ATXN1: variants seen among roughly 807,000 people sequenced by gnomAD.
ATXN1 encodes the protein ataxin-1.
Under a neutral mutation model 56.4 loss-of-function variants are expected in ATXN1, and 8 were observed. The observed-to-expected ratio is 0.14, with a 90% CI of 0.08 to 0.26. The LOEUF (loss-of-function observed/expected upper bound fraction) is 0.26, where lower values mean the gene tolerates loss of function less well. Among genes scored for constraint, ATXN1 ranks in the 10% least tolerant of loss-of-function variants. The pLI, the probability that ATXN1 is intolerant of heterozygous loss-of-function variation, is 1.00. For synonymous variants in ATXN1, 514 were observed against 494.6 expected (o/e 1.04, Z -0.52); for missense variants, 987 against 1,106.5 (o/e 0.89, Z 1.53).
At chr6:16,418,855 C>A (rs1274540918) in intron 6 of ATXN1, among the ~76,000 whole-genome samples, 1 of 151,710 alleles carries the variant, frequency 6.6e-6, no homozygotes, top group Non-Finnish European at 1.5e-5. Context: ...ATAAATGATA[C>A]AACATATTTC....
At position 16,398,020 on chromosome 6, in the gene ATXN1, C is replaced by A. The variant is rs193175240; in HGVS notation, c.-160-69550G>T. On this transcript the variant is annotated intron_variant, in intron 6 of 7. Coordinates refer to ENST00000436367, the MANE Select transcript of ATXN1 (RefSeq NM_001128164.2). Reference sequence around the variant, plus strand: ...ATAGACAGGACTCAAATCCAGAAATCCAAATCTTGTATTCTTTAGACTTTA... The same window carrying A: ...ATAGACAGGACTCAAATCCAGAAATACAAATCTTGTATTCTTTAGACTTTA... 9.6e-3 allele frequency among the ~76,000 whole-genome samples: 1,466 copies of A among 152,276 alleles called. 13 individuals carry two copies. The highest frequency in any genetic ancestry group is 0.014 in the Non-Finnish European group (931 of 68,012).
chr6:16,412,419 C>A lies in ATXN1; in HGVS notation c.-161+73553G>T, dbSNP rs140009890. Among the ~76,000 whole-genome samples the A allele has an allele frequency of 9.3e-4, 142 of 152,220 alleles. 1 individual carries two copies. Among genetic ancestry groups the A allele is most frequent in the Middle Eastern group, 3.4e-3 (1 of 294 alleles). On this transcript the variant is annotated intron_variant, in intron 6 of 7. Transcript: ENST00000436367. ...CTCAGAGGCCCATTAAAGCATGTAA[C>A]CAGACTGCTCAGATTCATACTATAC...
intron 3 of ATXN1, among the ~76,000 whole-genome samples, chr6:16,606,177 TAACTC>T (rs56937975): frequency 0.72 from 108,276 of 151,216 alleles, 39,470 homozygotes; most frequent in East Asian, 0.95. Context: ...GAATGACAAT[TAACTC>T]AAAGAGTTAT....
At chr6:16,706,233 C>T (rs569218319) in intron 2 of ATXN1, among the ~76,000 whole-genome samples, 9 of 152,258 alleles carry the variant, frequency 5.9e-5, no homozygotes, top group African/African-American at 2.2e-4. Context: ...ACATACCCTA[C>T]CATAATGCTT....
chr6:16,601,656 C>A (rs1762913947), intron 3 of ATXN1, among the ~76,000 whole-genome samples: 1 of 152,128 alleles, frequency 6.6e-6, no homozygotes, highest in South Asian at 2.1e-4. Flanking sequence ...CGAGACCATC[C>A]TGGCTAACAC....
intron 2 of ATXN1, among the ~76,000 whole-genome samples, chr6:16,680,056 A>G (rs1451278395): frequency 1.3e-5 from 2 of 152,338 alleles, no homozygotes; most frequent in Non-Finnish European, 2.9e-5. Flanking sequence ...CCAAGGCCCA[A>G]TACACCTTTA....
At chr6:16,593,124 C>T (rs1208383196) in intron 3 of ATXN1, among the ~76,000 whole-genome samples, 1 of 152,178 alleles carries the variant, frequency 6.6e-6, no homozygotes, top group Non-Finnish European at 1.5e-5. Flanking sequence ...AGCTACAGAG[C>T]ACTGACTGCT....
intron 4 of ATXN1, among the ~76,000 whole-genome samples, chr6:16,532,865 A>G (rs890333228): frequency 6.6e-6 from 1 of 152,182 alleles, no homozygotes; most frequent in Non-Finnish European, 1.5e-5. Flanking sequence ...TACATGATTC[A>G]CCAATTCCAC....
Position 16,393,676 on chromosome 6 carries a change from G to A in ATXN1, c.-160-65206C>T, listed in dbSNP as rs201221053. The stretch of plus-strand genomic sequence containing the variant: ...GGCACTGACGTTTTAAGTCCTGTTC[G>A]GAAACACAAAATGCACTACTTAGCT... On this transcript the variant is annotated intron_variant, in intron 6 of 7. Transcript: ENST00000436367. 6.6e-5 allele frequency among the ~76,000 whole-genome samples: 10 copies of A among 152,188 alleles called. No homozygotes were observed. The East Asian group carries it at 1.4e-3, about 21-fold the overall frequency.
chr6:16,658,656 C>T (rs116679328), intron 2 of ATXN1, among the ~76,000 whole-genome samples: 213 of 152,334 alleles, frequency 1.4e-3, no homozygotes, highest in African/African-American at 5.0e-3. Flanking sequence ...TTGTCACAGG[C>T]TGTTGTTAAA....
At chr6:16,501,547 T>C (rs1268780242) in intron 5 of ATXN1, among the ~76,000 whole-genome samples, 1 of 152,162 alleles carries the variant, frequency 6.6e-6, no homozygotes, top group Admixed American at 6.5e-5. Context: ...ATTATTCAAC[T>C]CCTACTATGA....
intron 6 of ATXN1, among the ~76,000 whole-genome samples, chr6:16,384,373 T>C (rs1239297843): frequency 6.6e-6 from 1 of 152,228 alleles, no homozygotes; most frequent in African/African-American, 2.4e-5. Flanking sequence ...ATGGCACAGA[T>C]AGCAAGGAAT....
chr6:16,552,707 C>T (rs1023604895), intron 4 of ATXN1, among the ~76,000 whole-genome samples: 1 of 152,226 alleles, frequency 6.6e-6, no homozygotes, highest in Non-Finnish European at 1.5e-5. Context: ...AATTACTATC[C>T]GCTGTACAGC....
chr6:16,389,863 T>C (rs1561877329), intron 6 of ATXN1, among the ~76,000 whole-genome samples: 1 of 151,976 alleles, frequency 6.6e-6, no homozygotes, highest in Non-Finnish European at 1.5e-5. Flanking sequence ...GCAGGTGTCA[T>C]GTGCAATGAC....
chr6:16,569,077 A>AG (rs1195984222), intron 4 of ATXN1, among the ~76,000 whole-genome samples: 18 of 152,212 alleles, frequency 1.2e-4, no homozygotes, highest in Admixed American at 1.2e-3. Flanking sequence ...GATCAAAGGC[A>AG]GGGCTTCTAT....
At chr6:16,446,688 C>G (rs1429356129) in intron 6 of ATXN1, among the ~76,000 whole-genome samples, 1 of 152,178 alleles carries the variant, frequency 6.6e-6, no homozygotes, top group Non-Finnish European at 1.5e-5. Flanking sequence ...AGGAACTTTA[C>G]AGTGACCTAA....
At chr6:16,580,470 G>T (rs1762508787) in intron 4 of ATXN1, among the ~76,000 whole-genome samples, 1 of 152,204 alleles carries the variant, frequency 6.6e-6, no homozygotes, top group Non-Finnish European at 1.5e-5. Context: ...CAGCATTAGT[G>T]TAGCAGGGGA....
chr6:16,577,050 C>G (rs1762435369), intron 4 of ATXN1, among the ~76,000 whole-genome samples: 1 of 152,240 alleles, frequency 6.6e-6, no homozygotes, highest in South Asian at 2.1e-4. Context: ...TCACTGTCTC[C>G]GTTTCAGTCT....
intron 3 of ATXN1, among the ~76,000 whole-genome samples, chr6:16,614,478 T>C (rs1266503002): frequency 6.6e-6 from 1 of 151,838 alleles, no homozygotes; most frequent in Non-Finnish European, 1.5e-5. Context: ...AAAATTATCA[T>C]TATCAAAGCG....
Sources: gnomAD v4.1 joint callset for allele counts (sites outside exome capture counted in the v4.1 genomes callset) on GRCh38, gnomAD v4.1.1 for gene constraint, MANE v1.5 for transcripts, NCBI Gene and HGNC (gene_info 2026-07-23, HGNC 2026-07-21) for gene names.